CCAR1: variants seen among roughly 807,000 people sequenced by gnomAD.
CCAR1 encodes the protein cell division cycle and apoptosis regulator 1, also known as cell division cycle and apoptosis regulator protein 1.
CCAR1 carries 78 observed loss-of-function variants against 163.8 expected under a neutral mutation model. That is an observed-to-expected ratio of 0.48 (90% CI 0.40 to 0.57). The LOEUF is 0.57. Ranked by LOEUF, CCAR1 falls within the 20% of genes least tolerant of loss-of-function variation. The probability of loss-of-function intolerance (pLI) is 0.00; values close to 1 mark genes in which losing one functional copy is unlikely to be tolerated. For synonymous variants in CCAR1, 443 were observed against 460.7 expected (o/e 0.96, Z 0.49); for missense variants, 1,019 against 1,365.2 (o/e 0.75, Z 4.00).
intron 24 of CCAR1, 111 bp downstream of exon 24, chr10:68,790,026 A>G (rs1589197553): frequency 1.5e-6 from 1 of 658,356 alleles, no homozygotes; most frequent in East Asian, 3.1e-5. Context: ...AAAGCAAATA[A>G]TGATAGCATT....
intron 5 of CCAR1, among the ~76,000 whole-genome samples, chr10:68,741,894 A>G (rs747448775): frequency 3.9e-5 from 6 of 152,182 alleles, no homozygotes; most frequent in Non-Finnish European, 8.8e-5. Flanking sequence ...ACCTGTTTTT[A>G]TTAAAGAACT....
chr10:68,752,191 T>C (rs2056341354), intron 10 of CCAR1, among the ~76,000 whole-genome samples: 1 of 152,110 alleles, frequency 6.6e-6, no homozygotes, highest in South Asian at 2.1e-4. Flanking sequence ...GTGCTGGGAC[T>C]ACAGGCGTGA....
intron 16 of CCAR1, among the ~76,000 whole-genome samples, chr10:68,764,168 C>G (rs1184801584): frequency 6.6e-6 from 1 of 152,146 alleles, no homozygotes. Context: ...TGATCTGACT[C>G]TACCCTATGC....
At chr10:68,724,405 G>C (rs544396149) in intron 2 of CCAR1, among the ~76,000 whole-genome samples, 6 of 152,222 alleles carry the variant, frequency 3.9e-5, no homozygotes, top group Admixed American at 3.9e-4. Flanking sequence ...GGCAGAGGTT[G>C]AGTGAGCTGA....
At position 68,788,170 on chromosome 10, in the gene CCAR1, C is replaced by T. The variant is rs759516425; in HGVS notation, c.3029C>T (p.Thr1010Ile). The change falls in exon 23 of 25, where the codon ACA becomes ATA. Residue 1010 changes from threonine (T) to isoleucine (I), a missense_variant. Coordinates refer to ENST00000265872, the MANE Select transcript of CCAR1 (RefSeq NM_018237.4). ...LGNRLLLPTP[T>I]VKQESKDVEE... ...AACAGATTATTACTTCCAACACCAA[C>T]AGTAAAGCAGGAATCAAAGGATGTG... 1 of 1,580,478 alleles carries T rather than the reference C, an allele frequency of 6.3e-7. No homozygotes were observed. Among genetic ancestry groups the T allele is most frequent in the Non-Finnish European group, 8.6e-7 (1 of 1,168,592 alleles).
chr10:68,758,049 G>T (rs2056417956), intron 15 of CCAR1, among the ~76,000 whole-genome samples: 1 of 152,020 alleles, frequency 6.6e-6, no homozygotes, highest in Non-Finnish European at 1.5e-5. Context: ...CCGTAATTTG[G>T]TTTTTAAAAT....
intron 19 of CCAR1, among the ~76,000 whole-genome samples, chr10:68,784,915 CTTTT>C (rs754185332): frequency 1.6e-5 from 2 of 124,756 alleles, no homozygotes; most frequent in Admixed American, 8.3e-5. Context: ...GTGAACATAA[CTTTT>C]TTTTTTTTTT....
intron 8 of CCAR1, among the ~76,000 whole-genome samples, chr10:68,748,044 G>T (rs777842311): frequency 2.0e-5 from 3 of 152,128 alleles, no homozygotes; most frequent in Non-Finnish European, 2.9e-5. Context: ...AGTAGATACA[G>T]GGTTTCACCA....
intron 10 of CCAR1, among the ~76,000 whole-genome samples, chr10:68,750,293 G>A (rs550840189): frequency 9.5e-5 from 14 of 146,690 alleles, no homozygotes; most frequent in African/African-American, 3.6e-4. Flanking sequence ...TTAGCTCACT[G>A]CAGCCTCTGC....
chr10:68,769,987 A>G (rs559239639), intron 17 of CCAR1, among the ~76,000 whole-genome samples: 1 of 151,798 alleles, frequency 6.6e-6, no homozygotes, highest in East Asian at 1.9e-4. Context: ...GTTTATGCGT[A>G]TGCTATAGCC....
chr10:68,780,344 A>G (rs1272043881), intron 19 of CCAR1, among the ~76,000 whole-genome samples: 1 of 152,082 alleles, frequency 6.6e-6, no homozygotes, highest in East Asian at 1.9e-4. Flanking sequence ...ACAGGTGTGC[A>G]CCACCACACC....
intron 8 of CCAR1, 100 bp from the exon 9 acceptor site, chr10:68,749,036 T>A (rs2056296888): frequency 1.4e-6 from 2 of 1,386,912 alleles, no homozygotes; most frequent in South Asian, 1.3e-5. Context: ...ACAATTTTAG[T>A]CACTCTCAGT....
At chr10:68,743,717 ATTATTTATTTGTTTGT>A (rs995862090) in intron 6 of CCAR1, among the ~76,000 whole-genome samples, 1 of 143,558 alleles carries the variant, frequency 7.0e-6, no homozygotes, top group Non-Finnish European at 1.5e-5. Flanking sequence ...TAATTTTTGT[ATTATTTATTTGTTTGT>A]TTATTTATTT....
chr10:68,768,017 T>G (rs1271811399), intron 17 of CCAR1, among the ~76,000 whole-genome samples: 1 of 152,234 alleles, frequency 6.6e-6, no homozygotes, highest in African/African-American at 2.4e-5. Flanking sequence ...TATTGTATCT[T>G]ATCAACATAT....
chr10:68,791,277 G>A lies in CCAR1; in HGVS notation c.*11G>A. 3 of 1,564,762 alleles carry A rather than the reference G, an allele frequency of 1.9e-6. No homozygotes were observed. In the East Asian group the frequency reaches 6.8e-5, roughly 36 times the overall value. On this transcript the variant is annotated 3_prime_UTR_variant, in exon 25 of 25. Coordinates refer to ENST00000265872, the MANE Select transcript of CCAR1 (RefSeq NM_018237.4). ...GGTGCCAGTGTATGATAAAATCCAT[G>A]TAGTGATGAGGAATGGTGTTAAATA...
intron 4 of CCAR1, among the ~76,000 whole-genome samples, chr10:68,739,100 T>G (rs766318914): frequency 2.4e-4 from 36 of 152,342 alleles, no homozygotes; most frequent in South Asian, 4.1e-4. Context: ...AGAGTTTGCC[T>G]TGCTGAAATA....
In CCAR1 at chr10:68,788,045, T is replaced by A; in HGVS notation, c.2999T>A (p.Leu1000Gln). 1 of 1,586,292 alleles carries A rather than the reference T, an allele frequency of 6.3e-7. No individual in the cohort carries two copies. Among genetic ancestry groups the A allele is most frequent in the South Asian group, 1.2e-5 (1 of 84,928 alleles). Residue 1000 changes from leucine (L) to glutamine (Q), a missense_variant and splice_region_variant, in exon 22 of 25, where the codon CTA becomes CAA. Leu to Gln is a moderately radical substitution (Grantham distance 113, BLOSUM62 -2). Coordinates refer to ENST00000265872, the MANE Select transcript of CCAR1 (RefSeq NM_018237.4). The stretch of plus-strand genomic sequence containing the variant: ...TCTGAGTCATTGCAGGAAGATATGC[T>A]AGGTCTGAGTAATATTAAGATTTTG... ...EESESLQEDM[L>Q]GNRLLLPTPT...
intron 6 of CCAR1, among the ~76,000 whole-genome samples, chr10:68,743,318 A>G (rs1383447448): frequency 6.8e-6 from 1 of 146,270 alleles, no homozygotes; most frequent in Non-Finnish European, 1.5e-5. Context: ...TGCCTCAGCC[A>G]CCATGCCTGG....
chr10:68,777,009 C>T (rs1449941160), intron 19 of CCAR1, among the ~76,000 whole-genome samples: 12 of 152,180 alleles, frequency 7.9e-5, no homozygotes, highest in Admixed American at 7.2e-4. Context: ...CAACCTTAGC[C>T]TTTGCCAACC....
Sources: allele counts gnomAD v4.1 joint callset (sites outside exome capture counted in the v4.1 genomes callset), GRCh38; gene constraint gnomAD v4.1.1; transcripts MANE v1.5; gene names NCBI Gene and HGNC (gene_info 2026-07-23, HGNC 2026-07-21).